AFAP1L1: variants seen among roughly 807,000 people sequenced by gnomAD.
AFAP1L1 encodes the protein actin filament-associated protein 1-like 1.
AFAP1L1 carries 77 observed loss-of-function variants against 99.8 expected under a neutral mutation model. The ratio of observed to expected loss-of-function variants is 0.77; its 90% CI spans 0.64 to 0.93. AFAP1L1 has a LOEUF of 0.93. AFAP1L1 is among the 40% of genes least tolerant of loss of function. The pLI is 0.00. For synonymous variants in AFAP1L1, 373 were observed against 395.3 expected (o/e 0.94, Z 0.67); for missense variants, 893 against 996.8 (o/e 0.90, Z 1.40).
intron 1 of AFAP1L1, among the ~76,000 whole-genome samples, chr5:149,299,243 A>G (rs1162147775): frequency 6.6e-6 from 1 of 152,162 alleles, no homozygotes; most frequent in Non-Finnish European, 1.5e-5. Flanking sequence ...TTGCCAGATG[A>G]GCCCAGGGAG....
At chr5:149,319,453 C>A in intron 12 of AFAP1L1, 129 bp from the exon 13 acceptor site, 1 of 1,053,290 alleles carries the variant, frequency 9.5e-7, no homozygotes, top group Non-Finnish European at 1.3e-6. Flanking sequence ...TAATCTTATT[C>A]CTCTTTGACC....
At chr5:149,315,600 C>T (rs62378118) in intron 9 of AFAP1L1, 35,216 of 533,318 alleles carry the variant, frequency 0.066, 1,401 homozygotes, top group Middle Eastern at 0.11. Flanking sequence ...TTGCCTCCCT[C>T]CCCAAATGGA....
At chr5:149,334,104 T>C (rs1297844569) in intron 17 of AFAP1L1, among the ~76,000 whole-genome samples, 1 of 152,204 alleles carries the variant, frequency 6.6e-6, no homozygotes, top group Admixed American at 6.5e-5. Context: ...GTGAGGAAAT[T>C]GAGACTCAAA....
rs1756274761 is a variant in AFAP1L1, at chr5:149,302,802, C to T, written c.436+276C>T. 5 of 309,542 alleles carry T rather than the reference C, an allele frequency of 1.6e-5. No individual in the cohort carries two copies. In the Admixed American group the frequency reaches 2.2e-4, roughly 14 times the overall value. 19.2% of individuals were successfully genotyped at this position (309,542 alleles called of 1,614,324 possible). On this transcript the variant is annotated intron_variant, in intron 5 of 18. Transcript: ENST00000296721. ...CTTGCCCTCTGGATCTCTGTGCTTC[C>T]ACCCTTAAAACAAGAAAGAGGAAGC...
chr5:149,315,960 C>T (rs765749182), intron 10 of AFAP1L1, 46 bp downstream of exon 10: 20 of 1,608,446 alleles, frequency 1.2e-5, no homozygotes, highest in East Asian at 1.1e-4. Flanking sequence ...GGAACTGGGC[C>T]GGGCCTTGCC....
chr5:149,314,340 G>C (rs149826778), intron 9 of AFAP1L1, among the ~76,000 whole-genome samples: 17 of 152,316 alleles, frequency 1.1e-4, no homozygotes, highest in Non-Finnish European at 2.4e-4. Flanking sequence ...TTTGAAAGAT[G>C]TGTAGAGGGG....
chr5:149,273,215 A>C (rs1323107637), intron 1 of AFAP1L1, among the ~76,000 whole-genome samples: 1 of 149,518 alleles, frequency 6.7e-6, no homozygotes, highest in Non-Finnish European at 1.5e-5. Context: ...CAACAGGCGA[A>C]GTGTTGTTGT....
At chr5:149,287,470 C>T (rs1755718107) in intron 1 of AFAP1L1, among the ~76,000 whole-genome samples, 1 of 152,064 alleles carries the variant, frequency 6.6e-6, no homozygotes, top group South Asian at 2.1e-4. Flanking sequence ...TCAAAAATAA[C>T]TACATAAATA....
intron 15 of AFAP1L1, among the ~76,000 whole-genome samples, chr5:149,326,107 C>A (rs1757088108): frequency 6.6e-6 from 1 of 152,178 alleles, no homozygotes. Context: ...CTCGAAAGAA[C>A]TGACTTTAGT....
At chr5:149,294,708 C>T (rs931645) in intron 1 of AFAP1L1, among the ~76,000 whole-genome samples, 140,323 of 152,206 alleles carry the variant, frequency 0.92, 64,791 homozygotes, top group Non-Finnish European at 0.94. Flanking sequence ...TGAGGGTTTC[C>T]ACCCACAGGT....
At chr5:149,324,990 G>C (rs1427563146) in intron 15 of AFAP1L1, among the ~76,000 whole-genome samples, 1 of 152,164 alleles carries the variant, frequency 6.6e-6, no homozygotes, top group Non-Finnish European at 1.5e-5. Context: ...TAGTGTGGGA[G>C]GGGACTATAA....
chr5:149,288,400 G>A (rs1755748506), intron 1 of AFAP1L1, among the ~76,000 whole-genome samples: 1 of 152,204 alleles, frequency 6.6e-6, no homozygotes, highest in Non-Finnish European at 1.5e-5. Flanking sequence ...TGAGGAGTAA[G>A]TGAGGTAATC....
chr5:149,336,644 G>C (rs1026109043), intron 18 of AFAP1L1, among the ~76,000 whole-genome samples: 8 of 152,344 alleles, frequency 5.3e-5, no homozygotes, highest in African/African-American at 1.9e-4. Flanking sequence ...GGCTGAACAT[G>C]TTAGCTCAGG....
chr5:149,299,817 A>G (rs568391347), intron 2 of AFAP1L1, among the ~76,000 whole-genome samples, 180 bp downstream of exon 2: 26 of 152,106 alleles, frequency 1.7e-4, no homozygotes, highest in East Asian at 5.8e-4. Flanking sequence ...CTCTTGCCCA[A>G]TGTCCTTGTC....
intron 1 of AFAP1L1, among the ~76,000 whole-genome samples, chr5:149,298,777 C>T (rs1281495706): frequency 6.6e-6 from 1 of 152,224 alleles, no homozygotes; most frequent in Non-Finnish European, 1.5e-5. Flanking sequence ...GCTCTAGGAT[C>T]TTGCAACTCA....
intron 4 of AFAP1L1, among the ~76,000 whole-genome samples, chr5:149,301,654 G>A (rs565871730): frequency 6.6e-6 from 1 of 152,276 alleles, no homozygotes; most frequent in South Asian, 2.1e-4. Flanking sequence ...TGTAGCCTTA[G>A]GCGAGTCGCT....
At position 149,299,556 on chromosome 5, in the gene AFAP1L1, G is replaced by C. The variant is rs745676471; in HGVS notation, c.64G>C (p.Asp22His). The C allele has an allele frequency of 1.9e-6, 3 of 1,614,144 alleles. No individual in the cohort carries two copies. Among genetic ancestry groups the C allele is most frequent in the Non-Finnish European group, 2.5e-6 (3 of 1,179,998 alleles). The change falls in exon 2 of 19, where the codon GAC becomes CAC. Residue 22 changes from aspartate (D) to histidine (H), a missense_variant. By Grantham distance (81) the Asp-to-His change is moderately conservative (BLOSUM62 -1). Coordinates refer to ENST00000296721, the MANE Select transcript of AFAP1L1 (RefSeq NM_152406.4). ...GCTCACCGGGCTGCTCAGCCTCCTG[G>C]ACCACGAGTACCTCAGCGATACCAC... is the stretch of plus-strand genomic sequence containing the variant. ...PELTGLLSLL[D>H]HEYLSDTTLE...
At chr5:149,332,288 T>G (rs192715651) in intron 16 of AFAP1L1, among the ~76,000 whole-genome samples, 2 of 152,092 alleles carry the variant, frequency 1.3e-5, no homozygotes, top group African/African-American at 2.4e-5. Flanking sequence ...TCCCAGCTAC[T>G]TGGGAGGCTG....
At chr5:149,332,375 G>A (rs1169920091) in intron 16 of AFAP1L1, among the ~76,000 whole-genome samples, 1 of 149,474 alleles carries the variant, frequency 6.7e-6, no homozygotes, top group East Asian at 2.0e-4. Context: ...CACCCTGGGC[G>A]ACAGAGCGAG....
Sources: allele counts gnomAD v4.1 joint callset (sites outside exome capture counted in the v4.1 genomes callset), GRCh38; gene constraint gnomAD v4.1.1; transcripts MANE v1.5; gene names NCBI Gene and HGNC (gene_info 2026-07-23, HGNC 2026-07-21).